The following RAD51B variants were observed in gnomAD, a reference collection of about 807,000 sequenced individuals.
RAD51B encodes the protein DNA repair protein RAD51 homolog 2.
RAD51B carries 38 observed loss-of-function variants against 42.2 expected under a neutral mutation model. That is an observed-to-expected ratio of 0.90 (90% CI 0.70 to 1.18). The LOEUF is 1.18. RAD51B is among the 50% of genes most tolerant of loss of function. The pLI, the probability that RAD51B is intolerant of heterozygous loss-of-function variation, is 0.00. For synonymous variants in RAD51B, 154 were observed against 145.2 expected, an observed-to-expected ratio of 1.06 and a Z score of -0.43; for missense variants, 373 against 400.7, an observed-to-expected ratio of 0.93 and a Z score of 0.59.
intron 8 of RAD51B, among the ~76,000 whole-genome samples, chr14:68,326,464 G>A (rs1003126615): frequency 6.6e-6 from 1 of 152,198 alleles, no homozygotes; most frequent in Non-Finnish European, 1.5e-5. Context: ...AAGAAAGGGT[G>A]ACAGGTTGTA....
intron 7 of RAD51B, among the ~76,000 whole-genome samples, chr14:68,034,726 GGTAAATCTCT>G (rs1049465362): frequency 3.3e-5 from 5 of 152,072 alleles, no homozygotes; most frequent in African/African-American, 1.2e-4. Context: ...TAGCAAAAAA[GGTAAATCTCT>G]TGTTTTAAGT....
At chr14:68,085,778 T>C (rs2140500470) in intron 7 of RAD51B, among the ~76,000 whole-genome samples, 1 of 152,204 alleles carries the variant, frequency 6.6e-6, no homozygotes, top group Middle Eastern at 3.4e-3. Flanking sequence ...GTGAAGGTGG[T>C]ATTGAAATGG....
chr14:68,376,010 A>G (rs1042492410), intron 8 of RAD51B, among the ~76,000 whole-genome samples: 13 of 152,216 alleles, frequency 8.5e-5, no homozygotes, highest in South Asian at 4.1e-4. Context: ...TTACTCCTGA[A>G]CTGGAGGGAC....
At chr14:68,100,388 C>T (rs1484831084) in intron 7 of RAD51B, among the ~76,000 whole-genome samples, 1 of 152,112 alleles carries the variant, frequency 6.6e-6, no homozygotes, top group African/African-American at 2.4e-5. Context: ...CACTGTGTTG[C>T]CCAGGCTCTT....
chr14:67,920,428 A>G (rs1219316993), intron 7 of RAD51B, among the ~76,000 whole-genome samples: 2 of 152,172 alleles, frequency 1.3e-5, no homozygotes, highest in Non-Finnish European at 2.9e-5. Flanking sequence ...ATACTCATAT[A>G]AAATGTAGCA....
chr14:67,936,893 A>T (rs1179699051), intron 7 of RAD51B, among the ~76,000 whole-genome samples: 1 of 152,154 alleles, frequency 6.6e-6, no homozygotes. Context: ...GAGAAAGTCT[A>T]TTTAAATCTC....
chr14:68,632,956 CTTTTTCTTTTTCTTTTTTTTTTTTTTT>C (rs1892262879), intron 10 of RAD51B, among the ~76,000 whole-genome samples: 1 of 99,322 alleles, frequency 1.0e-5, no homozygotes, highest in Admixed American at 1.1e-4. Context: ...TTTCTTTTTT[CTTTTTCTTTTTCTTTTTTTTTTTTTTT>C]TTTTTTTTTT....
intron 7 of RAD51B, among the ~76,000 whole-genome samples, chr14:68,278,235 A>G (rs955407134): frequency 2.6e-5 from 4 of 152,252 alleles, no homozygotes; most frequent in Non-Finnish European, 5.9e-5. Context: ...CAGTACTACC[A>G]ATTTCATTTC....
intron 7 of RAD51B, among the ~76,000 whole-genome samples, chr14:67,971,211 T>G (rs181926842): frequency 6.6e-6 from 1 of 151,764 alleles, no homozygotes; most frequent in Non-Finnish European, 1.5e-5. Flanking sequence ...TTAGGAAAGG[T>G]TTTTTTTCCT....
intron 7 of RAD51B, among the ~76,000 whole-genome samples, chr14:68,212,386 A>C (rs928655343): frequency 1.3e-5 from 2 of 152,206 alleles, no homozygotes; most frequent in Admixed American, 6.5e-5. Flanking sequence ...AATCCATGTA[A>C]AATACTTGAC....
intron 7 of RAD51B, among the ~76,000 whole-genome samples, chr14:68,272,654 TA>T (rs2081134201): frequency 4.6e-5 from 1 of 21,630 alleles, no homozygotes; most frequent in East Asian, 9.4e-4. Flanking sequence ...TATATATATA[TA>T]TATATATATA....
chr14:68,560,512 G>A (rs1889090965), intron 10 of RAD51B, among the ~76,000 whole-genome samples: 2 of 152,102 alleles, frequency 1.3e-5, no homozygotes, highest in African/African-American at 4.8e-5. Context: ...GAGGTGGGCG[G>A]ATCACCTGAG....
downstream of RAD51B, among the ~76,000 whole-genome samples, chr14:68,481,487 C>T (rs1883176104): frequency 6.6e-6 from 1 of 152,226 alleles, no homozygotes; most frequent in Non-Finnish European, 1.5e-5. Context: ...CTGCCCAAGG[C>T]CCTCCAGGCC....
intron 11 of RAD51B, among the ~76,000 whole-genome samples, chr14:68,659,057 T>G (rs2140144369): frequency 6.6e-6 from 1 of 152,262 alleles, no homozygotes; most frequent in South Asian, 2.1e-4. Context: ...AAAGGTCTGC[T>G]GCTGGCAAGG....
chr14:68,624,396 A>G (rs978664250), intron 10 of RAD51B, among the ~76,000 whole-genome samples: 1 of 152,152 alleles, frequency 6.6e-6, no homozygotes, highest in African/African-American at 2.4e-5. Context: ...TGGGGAAGCT[A>G]AGAGGGAAGG....
chr14:68,385,562 A>C (rs1482921751), intron 8 of RAD51B, among the ~76,000 whole-genome samples: 1 of 152,220 alleles, frequency 6.6e-6, no homozygotes, highest in Non-Finnish European at 1.5e-5. Context: ...CGAGAAGGGC[A>C]GTCTTACTTC....
chr14:68,653,070 G>T (rs1432083113), intron 11 of RAD51B, among the ~76,000 whole-genome samples: 1 of 152,236 alleles, frequency 6.6e-6, no homozygotes, highest in Non-Finnish European at 1.5e-5. Flanking sequence ...TTGTCAATAT[G>T]CTTGTTCACT....
intron 10 of RAD51B, among the ~76,000 whole-genome samples, chr14:68,535,086 T>C (rs556647527): frequency 6.6e-6 from 1 of 152,278 alleles, no homozygotes; most frequent in East Asian, 1.9e-4. Context: ...TCTGGTTTGG[T>C]TCTGGAGCCT....
chr14:68,674,560 T>C (rs1893265435), intron 11 of RAD51B, among the ~76,000 whole-genome samples: 1 of 152,108 alleles, frequency 6.6e-6, no homozygotes, highest in South Asian at 2.1e-4. Flanking sequence ...TTTATTTCTA[T>C]CCTAAGGTAA....
Sources: allele counts gnomAD v4.1 joint callset (sites outside exome capture counted in the v4.1 genomes callset), GRCh38; gene constraint gnomAD v4.1.1; transcripts MANE v1.5; gene names NCBI Gene and HGNC (gene_info 2026-07-23, HGNC 2026-07-21).